The following HIVEP1 variants were observed in gnomAD, a reference collection of about 807,000 sequenced individuals.
HIVEP1 encodes the protein HIVEP zinc finger 1.
Under a neutral mutation model 180.0 loss-of-function variants are expected in HIVEP1, and 36 were observed. That is an observed-to-expected ratio of 0.20 (90% CI 0.15 to 0.26). The LOEUF is 0.26. Among genes scored for constraint, HIVEP1 ranks in the 10% least tolerant of loss-of-function variants. The pLI is 1.00. For synonymous variants in HIVEP1, 1,239 were observed against 1,239.0 expected (o/e 1.00, Z 0.00); for missense variants, 3,143 against 3,268.7 (o/e 0.96, Z 0.94).
chr6:12,087,178 T>C (rs2113317274), intron 2 of HIVEP1, among the ~76,000 whole-genome samples: 1 of 152,238 alleles, frequency 6.6e-6, no homozygotes, highest in African/African-American at 2.4e-5. Context: ...GGTAACTTAG[T>C]TGAAAATTTT....
the HIVEP1 span, among the ~76,000 whole-genome samples, chr6:12,197,173 A>T: frequency 6.6e-6 from 1 of 152,134 alleles, no homozygotes; most frequent in Non-Finnish European, 1.5e-5. Context: ...ATTAAAAGAG[A>T]GTTGGGAGTT....
intron 2 of HIVEP1, 87 bp downstream of exon 2, chr6:12,015,755 G>C: frequency 8.3e-7 from 1 of 1,204,258 alleles, no homozygotes; most frequent in South Asian, 1.3e-5. Context: ...CCGTTTGTTA[G>C]ATGTTGACCC....
chr6:12,065,669 TTGTGTGTG>T (rs68050049), intron 2 of HIVEP1, among the ~76,000 whole-genome samples: 2 of 143,214 alleles, frequency 1.4e-5, no homozygotes, highest in Middle Eastern at 3.3e-3. Flanking sequence ...CAGGTAGGTT[TTGTGTGTG>T]TGTGTGTGTG....
chr6:12,016,811 C>G (rs781406042), intron 2 of HIVEP1, among the ~76,000 whole-genome samples: 12 of 152,208 alleles, frequency 7.9e-5, no homozygotes, highest in Non-Finnish European at 1.5e-4. Context: ...GTCCCCCTCA[C>G]TAGAATCTGA....
At chr6:12,094,821 C>T (rs1773694040) in intron 3 of HIVEP1, among the ~76,000 whole-genome samples, 1 of 151,986 alleles carries the variant, frequency 6.6e-6, no homozygotes, top group African/African-American at 2.4e-5. Flanking sequence ...GGACTATATG[C>T]TTCTGATTCC....
downstream of HIVEP1, among the ~76,000 whole-genome samples, chr6:12,168,443 C>G (rs895644933): frequency 2.0e-4 from 28 of 143,294 alleles, no homozygotes; most frequent in African/African-American, 6.9e-4. Flanking sequence ...GCTCTCATTA[C>G]CAAGTGGGGA....
chr6:12,171,173 A>G, the HIVEP1 span, among the ~76,000 whole-genome samples: 1 of 152,174 alleles, frequency 6.6e-6, no homozygotes, highest in African/African-American at 2.4e-5. Context: ...TCCCTCTCCC[A>G]AGAAAAAGCC....
chr6:12,126,101 C>G (rs1758054155), intron 4 of HIVEP1, among the ~76,000 whole-genome samples: 1 of 152,016 alleles, frequency 6.6e-6, no homozygotes, highest in African/African-American at 2.4e-5. Context: ...AATGATTTAC[C>G]CTGAGCACTT....
intron 7 of HIVEP1, among the ~76,000 whole-genome samples, chr6:12,137,802 T>G (rs114108221): frequency 0.011 from 1,618 of 152,330 alleles, 30 homozygotes; most frequent in African/African-American, 0.037. Context: ...AGTTGTTGTT[T>G]TAAACAAATG....
chr6:12,139,365 C>T (rs1183314694), intron 7 of HIVEP1, among the ~76,000 whole-genome samples: 1 of 152,162 alleles, frequency 6.6e-6, no homozygotes, highest in Non-Finnish European at 1.5e-5. Flanking sequence ...AGGAGGATTC[C>T]ATTCCAAGAT....
intron 2 of HIVEP1, among the ~76,000 whole-genome samples, chr6:12,048,260 G>A (rs986964346): frequency 1.3e-5 from 2 of 152,258 alleles, no homozygotes; most frequent in South Asian, 2.1e-4. Flanking sequence ...TGCGCCGTCC[G>A]CGGCAGCAGG....
chr6:12,168,384 G>GTATATATATAT (rs1554161635), downstream of HIVEP1, among the ~76,000 whole-genome samples: 1 of 130,142 alleles, frequency 7.7e-6, no homozygotes, highest in Non-Finnish European at 1.6e-5. Context: ...ATGTATATAT[G>GTATATATATAT]TATATATATA....
chr6:12,202,304 T>C, the HIVEP1 span, among the ~76,000 whole-genome samples: 2 of 60,326 alleles, frequency 3.3e-5, no homozygotes, highest in African/African-American at 3.8e-5. Flanking sequence ...TATAGGCTAA[T>C]TTTTTTTTTC....
intron 2 of HIVEP1, among the ~76,000 whole-genome samples, chr6:12,053,675 G>A (rs1436144564): frequency 1.3e-5 from 2 of 151,968 alleles, no homozygotes; most frequent in Admixed American, 1.3e-4. Context: ...TGCTCTGTTG[G>A]GGGCTGTGTA....
chr6:12,204,973 C>A, the HIVEP1 span, among the ~76,000 whole-genome samples: 1 of 152,056 alleles, frequency 6.6e-6, no homozygotes, highest in Non-Finnish European at 1.5e-5. Flanking sequence ...AGCATGATAG[C>A]CAGAGGGAAC....
At chr6:12,193,363 G>C in the HIVEP1 span, among the ~76,000 whole-genome samples, 2 of 151,996 alleles carry the variant, frequency 1.3e-5, no homozygotes, top group Non-Finnish European at 2.9e-5. Flanking sequence ...AATTTCTCTA[G>C]GATAAATTCC....
chr6:12,180,134 T>C, the HIVEP1 span, among the ~76,000 whole-genome samples: 1 of 152,208 alleles, frequency 6.6e-6, no homozygotes, highest in Non-Finnish European at 1.5e-5. Context: ...TTAATCCTTC[T>C]ATTAATACTA....
intron 7 of HIVEP1, among the ~76,000 whole-genome samples, chr6:12,136,882 A>G (rs898911196): frequency 6.6e-6 from 1 of 152,200 alleles, no homozygotes; most frequent in African/African-American, 2.4e-5. Flanking sequence ...TTTATTGACA[A>G]AAGAAAAAAA....
At chr6:12,112,360 A>G (rs1774951649) in intron 3 of HIVEP1, among the ~76,000 whole-genome samples, 1 of 151,770 alleles carries the variant, frequency 6.6e-6, no homozygotes, top group African/African-American at 2.4e-5. Context: ...TATATTGTCT[A>G]AATTCTTTTT....
Sources: allele counts gnomAD v4.1 joint callset (sites outside exome capture counted in the v4.1 genomes callset), GRCh38; gene constraint gnomAD v4.1.1; transcripts MANE v1.5; gene names NCBI Gene and HGNC (gene_info 2026-07-23, HGNC 2026-07-21).